Variants in AGFG2 observed in about 807,000 individuals in gnomAD.
AGFG2 encodes ArfGAP with FG repeats 2, also known as arf-GAP domain and FG repeat-containing protein 2.
In AGFG2, 31 loss-of-function variants were observed where a neutral mutation model predicts 48.0. That is an observed-to-expected ratio of 0.65 (90% CI 0.49 to 0.87). AGFG2 has a LOEUF of 0.87. AGFG2 is among the 40% of genes least tolerant of loss of function. The pLI is 0.00. For synonymous variants in AGFG2, 229 were observed against 260.8 expected, an observed-to-expected ratio of 0.88 and a Z score of 1.18; for missense variants, 599 against 632.6, an observed-to-expected ratio of 0.95 and a Z score of 0.57.
chr7:100,539,849 G>C (rs1019519292), intron 1 of AGFG2, among the ~76,000 whole-genome samples: 1 of 152,026 alleles, frequency 6.6e-6, no homozygotes, highest in Non-Finnish European at 1.5e-5. Flanking sequence ...CGAGGGGGTC[G>C]AGGCAAACTG....
chr7:100,542,457 GA>G (rs1800439903), intron 1 of AGFG2, among the ~76,000 whole-genome samples: 1 of 152,192 alleles, frequency 6.6e-6, no homozygotes, highest in African/African-American at 2.4e-5. Context: ...TGAAATGAAA[GA>G]TCAAGAGGTT....
intron 11 of AGFG2, among the ~76,000 whole-genome samples, chr7:100,564,639 G>T (rs1395739298): frequency 1.3e-5 from 2 of 152,004 alleles, no homozygotes; most frequent in Non-Finnish European, 2.9e-5. Flanking sequence ...AAGTAGCAGG[G>T]ACTACAGGTG....
chr7:100,550,497 TGAG>T lies in AGFG2; in HGVS notation c.418_420del (p.Glu140del), dbSNP rs1800608583. ...TGAAGGAGTTTCTCCAGGAAAAATATGAGAAGAAGAGATGGTAAGGAGTAGGAA... is the reference window on the plus strand; with the variant it reads ...TGAAGGAGTTTCTCCAGGAAAAATATAAGAAGAGATGGTAAGGAGTAGGAA... On this transcript the variant is annotated inframe_deletion, in exon 3 of 12. Transcript: ENST00000300176. The T allele has an allele frequency of 1.2e-6, 2 of 1,612,008 alleles. No individual in the cohort carries two copies. Among genetic ancestry groups the T allele is most frequent in the Admixed American group, 1.7e-5 (1 of 59,976 alleles).
intron 6 of AGFG2, among the ~76,000 whole-genome samples, chr7:100,561,142 T>C (rs1352659613): frequency 1.3e-5 from 2 of 150,418 alleles, no homozygotes; most frequent in Admixed American, 6.6e-5. Context: ...TTTTTTTTTT[T>C]TGAGACGGAG....
Position 100,562,213 on chromosome 7 carries a change from CT to C in AGFG2, c.878-45del. ...CATCTGCTCTCCTGCCCCTCCCGCCCTGTCTTACCTCAGCTCTCCCTGTTGT... is the reference window on the plus strand; with the variant it reads ...CATCTGCTCTCCTGCCCCTCCCGCCCGTCTTACCTCAGCTCTCCCTGTTGT... On this transcript the variant is annotated intron_variant, in intron 6 of 11. Transcript: ENST00000300176. This position sits in a 1 kb window ranked among gnomAD's most constrained non-coding sequence, Gnocchi z 5.4. The C allele has an allele frequency of 6.3e-7, 1 of 1,596,134 alleles. No homozygotes were observed. The highest frequency in any genetic ancestry group is 8.6e-7 in the Non-Finnish European group (1 of 1,167,426).
At chr7:100,564,872 T>G in intron 11 of AGFG2, 60 bp from the exon 12 acceptor site, 3 of 1,584,536 alleles carry the variant, frequency 1.9e-6, no homozygotes, top group Non-Finnish European at 2.6e-6. Context: ...CTGGCTGCCT[T>G]TCTTCTAAGC....
At position 100,539,505 on chromosome 7, in the gene AGFG2, C is replaced by G; in HGVS notation, c.159C>G (p.Arg53=). ...GNRHCFECAQ[R]GVTYVDITVG... ...GCCACTGCTTCGAGTGCGCCCAGCG[C>G]GGGGTCACCTACGTGGATATCACCG... Residue 53 remains arginine (R), a synonymous_variant, in exon 1 of 12, where the codon CGC becomes CGG. Coordinates refer to ENST00000300176, the MANE Select transcript of AGFG2 (RefSeq NM_006076.5). The G allele has an allele frequency of 7.6e-7, 1 of 1,309,830 alleles. No individual in the cohort carries two copies. The highest frequency in any genetic ancestry group is 9.8e-7 in the Non-Finnish European group (1 of 1,022,248). 81.1% of individuals were successfully genotyped at this position (1,309,830 alleles called of 1,614,324 possible).
chr7:100,558,794 C>T (rs183021321), intron 6 of AGFG2, among the ~76,000 whole-genome samples: 68 of 152,168 alleles, frequency 4.5e-4, no homozygotes, highest in Admixed American at 1.0e-3. Context: ...CTCAGCTCCA[C>T]GGATGTCCCA....
At chr7:100,545,075 G>C (rs1800488767) in intron 1 of AGFG2, among the ~76,000 whole-genome samples, 1 of 152,140 alleles carries the variant, frequency 6.6e-6, no homozygotes, top group Non-Finnish European at 1.5e-5. Flanking sequence ...GTTGTATCCT[G>C]TTCAGAAGCA....
At chr7:100,555,501 G>A in intron 5 of AGFG2, 109 bp from the exon 6 acceptor site, 1 of 1,226,106 alleles carries the variant, frequency 8.2e-7, no homozygotes, top group Non-Finnish European at 1.1e-6. Context: ...TTGAACTTCT[G>A]ACCTCAAGTG....
intron 4 of AGFG2, among the ~76,000 whole-genome samples, chr7:100,553,766 C>T (rs911855465): frequency 6.6e-6 from 1 of 152,180 alleles, no homozygotes; most frequent in African/African-American, 2.4e-5. Context: ...ACAGAAGGGG[C>T]TGGAATATGG....
At chr7:100,550,596 C>A in intron 3 of AGFG2, 85 bp downstream of exon 3, 3 of 1,089,678 alleles carry the variant, frequency 2.8e-6, no homozygotes, top group East Asian at 2.4e-5. Context: ...TGAATTTGGC[C>A]TTCTCACAAA....
rs1231303278 is a variant in AGFG2 at position 100,567,847 on chromosome 7, GGGCTACC to G, written c.*2861_*2867del. 2 of 152,286 alleles carry G rather than the reference GGGCTACC, an allele frequency of 1.3e-5. No homozygotes were observed. Among genetic ancestry groups the G allele is most frequent in the Admixed American group, 6.5e-5 (1 of 15,288 alleles). 9.4% of individuals were successfully genotyped at this position (152,286 alleles called of 1,614,324 possible). ...CCCTGGGGAGCCACTCAAGTTACCAGGGCTACCGGCTGAAATAAATCTTTTCCGGGTA... is the reference window on the plus strand; with the variant it reads ...CCCTGGGGAGCCACTCAAGTTACCAGGGCTGAAATAAATCTTTTCCGGGTA... On this transcript the variant is annotated 3_prime_UTR_variant, in exon 12 of 12. Transcript: ENST00000300176.
At chr7:100,553,620 C>T (rs890791348) in intron 4 of AGFG2, 120 bp downstream of exon 4, 6 of 1,219,904 alleles carry the variant, frequency 4.9e-6, no homozygotes, top group Non-Finnish European at 6.7e-6. Flanking sequence ...AGTTGGGTCT[C>T]GGCTCTGCTG....
At position 100,542,748 on chromosome 7, in the gene AGFG2, TC is replaced by T. The variant is rs369314044; in HGVS notation, c.221+3185del. The stretch of plus-strand genomic sequence containing the variant: ...CACGGAGACCAATTAGCATCTTAAA[TC>T]CCCATGATTGATTACCTGTAGATTA... On this transcript the variant is annotated intron_variant, in intron 1 of 11. Transcript: ENST00000300176. Among the ~76,000 whole-genome samples, 298 of 152,252 alleles carry T rather than the reference TC, an allele frequency of 2.0e-3. 2 individuals carry two copies. Among genetic ancestry groups the T allele is most frequent in the African/African-American group, 6.9e-3 (285 of 41,548 alleles).
chr7:100,561,183 A>G (rs543132654), intron 6 of AGFG2, among the ~76,000 whole-genome samples: 3 of 143,470 alleles, frequency 2.1e-5, no homozygotes, highest in African/African-American at 5.2e-5. Context: ...CTGGAGTGCA[A>G]TGGTGTGATC....
At position 100,565,017 on chromosome 7, in the gene AGFG2, C is replaced by G. The variant is rs1800975072; in HGVS notation, c.*26C>G. ...CACTGTGTTTTTGGGGGGCCTCTTCCCTGCCTTCTGGGGCCCCTCTGCTCC... is the reference window on the plus strand; with the variant it reads ...CACTGTGTTTTTGGGGGGCCTCTTCGCTGCCTTCTGGGGCCCCTCTGCTCC... On this transcript the variant is annotated 3_prime_UTR_variant, in exon 12 of 12. Coordinates refer to ENST00000300176, the MANE Select transcript of AGFG2 (RefSeq NM_006076.5). 1.9e-6 allele frequency: 3 copies of G among 1,613,160 alleles called. No individual in the cohort carries two copies. The highest frequency in any genetic ancestry group is 2.5e-6 in the Non-Finnish European group (3 of 1,179,060).
chr7:100,540,712 T>G (rs954293313), intron 1 of AGFG2, among the ~76,000 whole-genome samples: 1 of 152,144 alleles, frequency 6.6e-6, no homozygotes, highest in African/African-American at 2.4e-5. Flanking sequence ...TTTTGTTTTG[T>G]TTTTTAAAAA....
rs946522982 is a variant in AGFG2, at chr7:100,566,808, T to C, written c.*1817T>C. On this transcript the variant is annotated 3_prime_UTR_variant, in exon 12 of 12. Transcript: ENST00000300176. Reference sequence around the variant, plus strand: ...TCTCTTTCTCCCCTCTTCGCCACCCTAGATTATCTCTGTGTCCCTCTACCT... The same window carrying C: ...TCTCTTTCTCCCCTCTTCGCCACCCCAGATTATCTCTGTGTCCCTCTACCT... 3 of 152,338 alleles carry C rather than the reference T, an allele frequency of 2.0e-5. No homozygotes were observed. The highest frequency in any genetic ancestry group is 4.4e-5 in the Non-Finnish European group (3 of 68,120). 9.4% of individuals were successfully genotyped at this position (152,338 alleles called of 1,614,324 possible). A position where few individuals can be genotyped will look rare whatever the true frequency, so the allele number is the denominator to read the frequency against.
Sources: gnomAD v4.1 joint callset for allele counts (sites outside exome capture counted in the v4.1 genomes callset) on GRCh38, gnomAD v4.1.1 for gene constraint, Gnocchi (gnomAD v3.1) non-coding constraint, MANE v1.5 for transcripts, NCBI Gene and HGNC (gene_info 2026-07-23, HGNC 2026-07-21) for gene names.